The following SLC4A1 variants were observed in gnomAD, a reference collection of about 807,000 sequenced individuals.
The protein encoded by SLC4A1 is band 3 anion transport protein.
Under a neutral mutation model 93.1 loss-of-function variants are expected in SLC4A1, and 29 were observed. The ratio of observed to expected loss-of-function variants is 0.31; its 90% CI spans 0.23 to 0.42. The LOEUF is 0.42. Ranked by LOEUF, SLC4A1 falls within the 20% of genes least tolerant of loss-of-function variation. The pLI is 1.00. For missense variants in SLC4A1, 965 were observed against 1,190.1 expected, an observed-to-expected ratio of 0.81 and a Z score of 2.78; for synonymous variants, 469 against 497.2, an observed-to-expected ratio of 0.94 and a Z score of 0.76.
At chr17:44,255,534 T>C (rs2047381198) in intron 14 of SLC4A1, 139 bp downstream of exon 14, 3 of 952,206 alleles carry the variant, frequency 3.2e-6, no homozygotes, top group South Asian at 1.4e-5. Context: ...TAGGTAAGGA[T>C]AGGGCCAGGG....
At chr17:44,261,886 G>A (rs1486307550) in intron 3 of SLC4A1, 1 of 1,033,246 alleles carries the variant, frequency 9.7e-7, no homozygotes, top group Non-Finnish European at 1.4e-6. Context: ...CAGCCAGGGA[G>A]GCCTAGCCCC....
intron 1 of SLC4A1, among the ~76,000 whole-genome samples, chr17:44,266,091 G>A (rs1269779828): frequency 3.9e-5 from 6 of 152,150 alleles, no homozygotes; most frequent in South Asian, 2.1e-4. Flanking sequence ...CACCAGACTG[G>A]AGAATGGGAG....
chr17:44,261,569 C>T lies in SLC4A1; in HGVS notation c.168+6G>A, dbSNP rs2047444885. On this transcript the variant is annotated splice_donor_region_variant and intron_variant, in intron 4 of 19. Coordinates refer to ENST00000262418, the MANE Select transcript of SLC4A1 (RefSeq NM_000342.4). Reference sequence around the variant, plus strand: ...GGGAAAGAACGGAGGAGGCTGGGGTCCTCACCTTGTGGGTACCCGGGTGTG... The same window carrying T: ...GGGAAAGAACGGAGGAGGCTGGGGTTCTCACCTTGTGGGTACCCGGGTGTG... 6.2e-7 allele frequency: 1 copy of T among 1,614,178 alleles called. No individual in the cohort carries two copies. Among genetic ancestry groups the T allele is most frequent in the African/African-American group, 1.3e-5 (1 of 75,046 alleles).
intron 17 of SLC4A1, 147 bp from the exon 18 acceptor site, chr17:44,251,735 TTTTTG>T: frequency 9.6e-6 from 6 of 625,166 alleles, no homozygotes; most frequent in East Asian, 3.1e-5. Context: ...TTTTTTTTTT[TTTTTG>T]TTTTTTTTTT....
chr17:44,256,210 C>G (rs912814353), intron 13 of SLC4A1, among the ~76,000 whole-genome samples: 2 of 151,804 alleles, frequency 1.3e-5, no homozygotes, highest in African/African-American at 4.9e-5. Flanking sequence ...ATCCATCCAT[C>G]CATCTATCTT....
rs879170703 is a variant in SLC4A1, at chr17:44,255,255, G to T, written c.1842C>A (p.Ile614=). Residue 614 remains isoleucine, a synonymous_variant, in exon 15 of 20, where the codon ATC becomes ATA. Transcript: ENST00000262418. The stretch of plus-strand genomic sequence containing the variant: ...AGAAATCCACCAGGACCATGATCAG[G>T]ATGGAGATGGGGACCCCGAAGTCCC... ...VIGDFGVPIS[I]LIMVLVDFFI... 8 of 1,558,508 alleles carry T rather than the reference G, an allele frequency of 5.1e-6. No individual in the cohort carries two copies. Among genetic ancestry groups the T allele is most frequent in the African/African-American group, 1.4e-5 (1 of 73,842 alleles).
In SLC4A1 at chr17:44,254,468, CAGGCCCAG is replaced by C; in HGVS notation, c.2057+20_2057+27del. The C allele has an allele frequency of 6.7e-7, 1 of 1,490,354 alleles. No individual in the cohort carries two copies. The highest frequency in any genetic ancestry group is 9.3e-7 in the Non-Finnish European group (1 of 1,075,854). 92.3% of individuals were successfully genotyped at this position (1,490,354 alleles called of 1,614,324 possible). On this transcript the variant is annotated intron_variant, in intron 16 of 19. Transcript: ENST00000262418. ...GAAAGGTCCCTGCCTCCCACCCTCC[CAGGCCCAG>C]CCCCCACCCTGTCTCTCACGTGGTG...
Position 44,262,860 on chromosome 17 carries a change from C to G in SLC4A1, c.7G>C (p.Glu3Gln). 2 of 1,614,200 alleles carry G rather than the reference C, an allele frequency of 1.2e-6. No individual in the cohort carries two copies. Among genetic ancestry groups the G allele is most frequent in the Non-Finnish European group, 1.7e-6 (2 of 1,180,028 alleles). Reference protein sequence around the residue: MEELQDDYEDMME... With the variant: MEQLQDDYEDMME... ...TGCCAGGGAACACCCACCTGCAGCTCCTCCATGGCGTGGTCCTGAGTGTCC... is the reference window on the plus strand; with the variant it reads ...TGCCAGGGAACACCCACCTGCAGCTGCTCCATGGCGTGGTCCTGAGTGTCC... Residue 3 changes from glutamate (E) to glutamine (Q), a missense_variant, in exon 2 of 20, where the codon GAG (glutamate) becomes CAG (glutamine). By Grantham distance (29) the Glu-to-Gln change is conservative (BLOSUM62 2). Transcript: ENST00000262418.
intron 17 of SLC4A1, among the ~76,000 whole-genome samples, chr17:44,252,249 T>G (rs565716706): frequency 6.6e-6 from 1 of 152,048 alleles, no homozygotes. Context: ...GAGACGTGGT[T>G]TCACCATGTT....
Position 44,250,456 on chromosome 17 carries a change from C to T in SLC4A1, c.*2G>A, listed in dbSNP as rs950554077. ...GGAGGGTCTAGGGCCTGGGCCCGCC[C>T]CTCACACAGGCATGGCCACTTCGTC... On this transcript the variant is annotated 3_prime_UTR_variant, in exon 20 of 20. Coordinates refer to ENST00000262418, the MANE Select transcript of SLC4A1 (RefSeq NM_000342.4). 3 of 1,612,886 alleles carry T rather than the reference C, an allele frequency of 1.9e-6. No homozygotes were observed. Among genetic ancestry groups the T allele is most frequent in the Non-Finnish European group, 2.5e-6 (3 of 1,179,036 alleles).
chr17:44,255,677 C>G lies in SLC4A1; in HGVS notation c.1796G>C (p.Gly599Ala). The change falls in exon 14 of 20, where the codon GGC becomes GCC. Residue 599 changes from glycine (G) to alanine (A), a missense_variant. Gly to Ala is a moderately conservative substitution (Grantham distance 60). This residue lies in a region of SLC4A1 where 770 missense variants were observed against 1,006.6 expected (regional missense o/e 0.76). Coordinates refer to ENST00000262418, the MANE Select transcript of SLC4A1 (RefSeq NM_000342.4). ...AGGCGAGGAGGGTATGCTGACCTTG[C>G]CAGGGAAATAGGAGCTGTTCTTGAA... is the stretch of plus-strand genomic sequence containing the variant. The part of the protein sequence containing the change: ...RKFKNSSYFP[G>A]KLRRVIGDFG... 1 of 1,613,766 alleles carries G rather than the reference C, an allele frequency of 6.2e-7. No individual in the cohort carries two copies.
At chr17:44,255,602 A>G (rs1320380012) in intron 14 of SLC4A1, 71 bp downstream of exon 14, 1 of 1,476,508 alleles carries the variant, frequency 6.8e-7, no homozygotes, top group Non-Finnish European at 9.5e-7. Flanking sequence ...GCACTGAGGA[A>G]TTTGGAGCGG....
chr17:44,261,287 C>T (rs905867974), intron 4 of SLC4A1, among the ~76,000 whole-genome samples: 33 of 152,142 alleles, frequency 2.2e-4, no homozygotes, highest in African/African-American at 7.5e-4. Flanking sequence ...GTCTTTAATT[C>T]TGTGCTTCCC....
chr17:44,255,340 C>G, intron 14 of SLC4A1, 44 bp from the exon 15 acceptor site: 8 of 1,441,516 alleles, frequency 5.5e-6, no homozygotes, highest in Non-Finnish European at 7.6e-6. Flanking sequence ...CCAGTCACTC[C>G]CCACCTCCTG....
At chr17:44,264,722 A>G (rs1170348931) in intron 1 of SLC4A1, among the ~76,000 whole-genome samples, 2 of 152,138 alleles carry the variant, frequency 1.3e-5, no homozygotes, top group Admixed American at 6.5e-5. Context: ...GCCCCAGCCA[A>G]GAGGCCTCTG....
rs1405018901 is a variant in SLC4A1, at chr17:44,258,318, A to G, written c.1087+95T>C. Reference sequence around the variant, plus strand: ...CTGGAAGATGTGGGCAAAGGGAGCGATGAGAGGGGAACATGTGATGGGAGA... The same window carrying G: ...CTGGAAGATGTGGGCAAAGGGAGCGGTGAGAGGGGAACATGTGATGGGAGA... On this transcript the variant is annotated intron_variant, in intron 10 of 19. Transcript: ENST00000262418. The surrounding 1 kb of genome is among the most constrained non-coding windows in gnomAD (Gnocchi z 6.1). The G allele has an allele frequency of 2.8e-6, 4 of 1,422,428 alleles. No individual in the cohort carries two copies. The highest frequency in any genetic ancestry group is 2.8e-5 in the African/African-American group (2 of 71,082). 88.1% of individuals were successfully genotyped at this position (1,422,428 alleles called of 1,614,324 possible). A position where few individuals can be genotyped will look rare whatever the true frequency, so the allele number is the denominator to read the frequency against.
chr17:44,250,577 C>T (rs1218120055), intron 19 of SLC4A1, 39 bp from the exon 20 acceptor site: 2 of 1,560,132 alleles, frequency 1.3e-6, no homozygotes, highest in African/African-American at 2.7e-5. Flanking sequence ...GGTGAGAGAC[C>T]CTGGGGCCAG....
rs1254712659 is a variant in SLC4A1, at chr17:44,253,378, T to C, written c.2058-7A>G. On this transcript the variant is annotated splice_polypyrimidine_tract_variant and splice_region_variant and intron_variant, in intron 16 of 19. Transcript: ENST00000262418. ...AGGTTTGCTGACAATCAGCCTACGG[T>C]AGGGGAAGGTGAGGGGTAAGCAGGG... 1 of 1,608,024 alleles carries C rather than the reference T, an allele frequency of 6.2e-7. No individual in the cohort carries two copies. Among genetic ancestry groups the C allele is most frequent in the South Asian group, 1.1e-5 (1 of 90,994 alleles).
chr17:44,260,748 G>A lies in SLC4A1; in HGVS notation c.236C>T (p.Ala79Val), dbSNP rs376688172. Residue 79 changes from alanine (A) to valine (V), a missense_variant, in exon 5 of 20, where the codon GCG (alanine) becomes GTG (valine). Ala to Val is a moderately conservative substitution (Grantham distance 64). This residue lies in a region of SLC4A1 where 195 missense variants were observed against 183.5 expected (regional missense o/e 1.06). Transcript: ENST00000262418. ...GTTCTCCTCCAGTTGCACCCAGCGCGCCGCCTCCATCCATCTCAGCTCCTG... is the reference window on the plus strand; with the variant it reads ...GTTCTCCTCCAGTTGCACCCAGCGCACCGCCTCCATCCATCTCAGCTCCTG... ...KNQELRWMEA[A>V]RWVQLEENLG... 6.8e-6 allele frequency: 11 copies of A among 1,613,914 alleles called. No homozygotes were observed. In the Admixed American group the frequency reaches 8.3e-5, roughly 12 times the overall value.
Sources: gnomAD v4.1 joint callset for allele counts (sites outside exome capture counted in the v4.1 genomes callset) on GRCh38, gnomAD v4.1.1 for gene constraint, gnomAD v4.1.1 regional missense constraint, Gnocchi (gnomAD v3.1) non-coding constraint, MANE v1.5 for transcripts, NCBI Gene and HGNC (gene_info 2026-07-23, HGNC 2026-07-21) for gene names.